Variants in BRINP3 observed in about 807,000 individuals in gnomAD.
The protein encoded by BRINP3 is BMP/retinoic acid inducible neural specific 3.
BRINP3 carries 19 observed loss-of-function variants against 71.0 expected under a neutral mutation model. The observed-to-expected ratio is 0.27, with a 90% CI of 0.19 to 0.39. The LOEUF (loss-of-function observed/expected upper bound fraction) is 0.39. Among genes scored for constraint, BRINP3 ranks in the 10% least tolerant of loss-of-function variants. The pLI, the probability that BRINP3 is intolerant of heterozygous loss-of-function variation, is 1.00. For synonymous variants in BRINP3, 380 were observed against 337.7 expected (o/e 1.13, Z -1.37); for missense variants, 959 against 940.8 (o/e 1.02, Z -0.25).
chr1:190,264,017 G>A (rs957524958), intron 4 of BRINP3, among the ~76,000 whole-genome samples: 1 of 152,072 alleles, frequency 6.6e-6, no homozygotes, highest in African/African-American at 2.4e-5. Flanking sequence ...ACTCCAAAAT[G>A]CTCTCTCTAT....
intron 6 of BRINP3, among the ~76,000 whole-genome samples, chr1:190,193,529 C>T (rs566208115): frequency 6.6e-6 from 1 of 152,004 alleles, no homozygotes; most frequent in Non-Finnish European, 1.5e-5. Flanking sequence ...AATACATGTA[C>T]TAATCCCTGG....
intron 2 of BRINP3, among the ~76,000 whole-genome samples, chr1:190,352,631 A>G (rs2102057119): frequency 6.6e-6 from 1 of 152,136 alleles, no homozygotes; most frequent in South Asian, 2.1e-4. Context: ...TTTCAATGCT[A>G]AAACATATTT....
chr1:190,201,081 A>T (rs994787090), intron 6 of BRINP3, among the ~76,000 whole-genome samples: 2 of 152,122 alleles, frequency 1.3e-5, no homozygotes, highest in Non-Finnish European at 1.5e-5. Context: ...GCTCAGAAAA[A>T]GACAGAAAAA....
At chr1:190,264,064 C>T (rs1458789442) in intron 4 of BRINP3, among the ~76,000 whole-genome samples, 2 of 152,132 alleles carry the variant, frequency 1.3e-5, no homozygotes. Context: ...TAGGATCATA[C>T]TCTTCTGACT....
At chr1:190,142,053 G>A (rs1655500728) in intron 7 of BRINP3, among the ~76,000 whole-genome samples, 1 of 151,872 alleles carries the variant, frequency 6.6e-6, no homozygotes, top group South Asian at 2.1e-4. Context: ...AGAAAATATG[G>A]GAGAAAATCT....
chr1:190,409,528 C>T (rs1234643867), intron 2 of BRINP3, among the ~76,000 whole-genome samples: 1 of 152,094 alleles, frequency 6.6e-6, no homozygotes, highest in Non-Finnish European at 1.5e-5. Context: ...ACAGAGTACA[C>T]TCTTTTAAAA....
chr1:190,378,922 C>A (rs557051841), intron 2 of BRINP3, among the ~76,000 whole-genome samples: 1 of 152,284 alleles, frequency 6.6e-6, no homozygotes, highest in South Asian at 2.1e-4. Flanking sequence ...GGAACCAATG[C>A]AAACATGAAG....
chr1:190,130,515 C>T (rs991414082), intron 7 of BRINP3, among the ~76,000 whole-genome samples: 2 of 151,954 alleles, frequency 1.3e-5, no homozygotes, highest in Non-Finnish European at 2.9e-5. Flanking sequence ...GGAAGAGAGT[C>T]CTTCTGCCTC....
chr1:190,099,148 A>G lies in BRINP3; in HGVS notation c.1185-14T>C. On this transcript the variant is annotated splice_polypyrimidine_tract_variant and intron_variant, in intron 7 of 7. Transcript: ENST00000367462. ...TAGGTTGAGGTTCTAGAAATACAAAACAGAACGAATCTACATAAATACAAA... is the reference window on the plus strand; with the variant it reads ...TAGGTTGAGGTTCTAGAAATACAAAGCAGAACGAATCTACATAAATACAAA... 6.2e-7 allele frequency: 1 copy of G among 1,607,810 alleles called. No individual in the cohort carries two copies. The highest frequency in any genetic ancestry group is 8.5e-7 in the Non-Finnish European group (1 of 1,175,740).
At chr1:190,465,881 A>T (rs192174913) in intron 1 of BRINP3, among the ~76,000 whole-genome samples, 277 of 151,816 alleles carry the variant, frequency 1.8e-3, no homozygotes, top group African/African-American at 6.5e-3. Context: ...AGACAGTTTT[A>T]AAAAAAAGAT....
intron 2 of BRINP3, among the ~76,000 whole-genome samples, chr1:190,448,588 A>G (rs1019461390): frequency 6.6e-6 from 1 of 151,450 alleles, no homozygotes; most frequent in Non-Finnish European, 1.5e-5. Context: ...TGTATAATTT[A>G]CTATTCATTG....
chr1:190,141,555 CTTTTTTTTTTTTTTTT>C (rs35090212), intron 7 of BRINP3, among the ~76,000 whole-genome samples: 3 of 82,376 alleles, frequency 3.6e-5, no homozygotes, highest in African/African-American at 5.2e-5. Context: ...TCTTTCTTTC[CTTTTTTTTTTTTTTTT>C]TTTTTTTTGA....
intron 4 of BRINP3, among the ~76,000 whole-genome samples, chr1:190,253,027 G>T (rs1240159466): frequency 6.6e-6 from 1 of 152,062 alleles, no homozygotes; most frequent in Non-Finnish European, 1.5e-5. Flanking sequence ...AACATATGGT[G>T]TTTGGTTTTC....
chr1:190,453,272 G>A (rs1201857823), intron 2 of BRINP3, among the ~76,000 whole-genome samples: 2 of 126,410 alleles, frequency 1.6e-5, no homozygotes, highest in Non-Finnish European at 3.1e-5. Context: ...CCAGGCTGGA[G>A]TGTAGTGGCG....
chr1:190,242,977 A>C (rs1330695036), intron 4 of BRINP3, among the ~76,000 whole-genome samples: 2 of 152,116 alleles, frequency 1.3e-5, no homozygotes, highest in Non-Finnish European at 2.9e-5. Context: ...GACTACAATG[A>C]TTGGTCTACT....
At chr1:190,217,227 G>A (rs763407384) in intron 6 of BRINP3, among the ~76,000 whole-genome samples, 3 of 151,778 alleles carry the variant, frequency 2.0e-5, no homozygotes, top group Non-Finnish European at 4.4e-5. Flanking sequence ...TACAATCATG[G>A]TACTTAGAAT....
At chr1:190,259,457 C>G (rs936444805) in intron 4 of BRINP3, among the ~76,000 whole-genome samples, 2 of 149,732 alleles carry the variant, frequency 1.3e-5, no homozygotes, top group Non-Finnish European at 3.0e-5. Context: ...AAACACTCAC[C>G]AAGCTATGAA....
intron 7 of BRINP3, among the ~76,000 whole-genome samples, chr1:190,114,514 A>G (rs1430144820): frequency 3.3e-5 from 5 of 149,802 alleles, no homozygotes; most frequent in Non-Finnish European, 7.4e-5. Flanking sequence ...TATTTTAGAA[A>G]TAAGTTTGCC....
At chr1:190,344,130 A>C (rs935776160) in intron 2 of BRINP3, among the ~76,000 whole-genome samples, 7 of 151,838 alleles carry the variant, frequency 4.6e-5, no homozygotes, top group African/African-American at 1.7e-4. Context: ...TTCAGTAGAA[A>C]AAAATCTTCT....
Sources: gnomAD v4.1 joint callset for allele counts (sites outside exome capture counted in the v4.1 genomes callset) on GRCh38, gnomAD v4.1.1 for gene constraint, MANE v1.5 for transcripts, NCBI Gene and HGNC (gene_info 2026-07-23, HGNC 2026-07-21) for gene names.